The following ILDR2 variants were observed in gnomAD, a reference collection of about 807,000 sequenced individuals.
ILDR2 encodes the protein immunoglobulin like domain containing receptor 2, also known as immunoglobulin-like domain-containing receptor 2.
ILDR2 carries 25 observed loss-of-function variants against 66.8 expected under a neutral mutation model. The ratio of observed to expected loss-of-function variants is 0.37; its 90% CI spans 0.27 to 0.52. ILDR2 has a LOEUF of 0.52. Among genes scored for constraint, ILDR2 ranks in the 20% least tolerant of loss-of-function variants. The pLI, the probability that ILDR2 is intolerant of heterozygous loss-of-function variation, is 0.88. For missense variants in ILDR2, 827 were observed against 876.8 expected (o/e 0.94, Z 0.72); for synonymous variants, 367 against 357.2 (o/e 1.03, Z -0.31).
intron 3 of ILDR2, chr1:166,943,726 T>C (rs1661453802): frequency 1.6e-6 from 1 of 621,062 alleles, no homozygotes; most frequent in Non-Finnish European, 2.0e-6. Context: ...TCTTACAGAG[T>C]CTAAACAATT....
intron 3 of ILDR2, among the ~76,000 whole-genome samples, chr1:166,955,660 T>C (rs978832055): frequency 1.3e-5 from 2 of 152,148 alleles, no homozygotes; most frequent in Non-Finnish European, 2.9e-5. Flanking sequence ...AACATAATGC[T>C]AAGGCATCAG....
chr1:166,966,387 T>C (rs977117142), intron 1 of ILDR2, among the ~76,000 whole-genome samples: 7 of 152,220 alleles, frequency 4.6e-5, no homozygotes, highest in Non-Finnish European at 7.3e-5. Flanking sequence ...TTTAAAAACA[T>C]GATAGTGTTT....
intron 3 of ILDR2, among the ~76,000 whole-genome samples, chr1:166,945,581 T>G (rs1333496598): frequency 6.6e-6 from 1 of 152,194 alleles, no homozygotes; most frequent in Non-Finnish European, 1.5e-5. Context: ...ACTGTTTTGG[T>G]CTCTACTCTT....
At position 166,916,176 on chromosome 1, in the gene ILDR2, C is replaced by G. The variant is rs536899628; in HGVS notation, c.*3179G>C. On this transcript the variant is annotated 3_prime_UTR_variant, in exon 10 of 10. Coordinates refer to ENST00000271417, the MANE Select transcript of ILDR2 (RefSeq NM_199351.3). The stretch of plus-strand genomic sequence containing the variant: ...AGCACAGCAGCTTATGCATCATCCC[C>G]CTGGGACCCCTGCTGCTCACCCTTT... 1.3e-5 allele frequency: 2 copies of G among 152,236 alleles called. No homozygotes were observed. Among genetic ancestry groups the G allele is most frequent in the Non-Finnish European group, 2.9e-5 (2 of 68,068 alleles). The allele number at this position is 152,236 out of a possible 1,614,324, so 9.4% of individuals were successfully genotyped here.
rs1659875777 is a variant in ILDR2 at position 166,920,792 on chromosome 1, G to A, written c.1799C>T (p.Thr600Ile). The A allele has an allele frequency of 1.3e-6, 2 of 1,530,424 alleles. No individual in the cohort carries two copies. The highest frequency in any genetic ancestry group is 1.7e-4 in the Middle Eastern group (1 of 5,910). 94.8% of individuals were successfully genotyped at this position (1,530,424 alleles called of 1,614,324 possible). ...ALPPYSELEL[T>I]RGPSYRGRDL... ...GCGGCCGCGGTAGGACGGGCCGCGG[G>A]TCAGCTCCAGCTCGCTGTAGGGCGG... Residue 600 changes from threonine (T) to isoleucine (I), a missense_variant, in exon 9 of 10, where the codon ACC becomes ATC. Coordinates refer to ENST00000271417, the MANE Select transcript of ILDR2 (RefSeq NM_199351.3).
intron 3 of ILDR2, among the ~76,000 whole-genome samples, chr1:166,955,483 G>A (rs898945687): frequency 2.0e-5 from 3 of 152,042 alleles, no homozygotes; most frequent in South Asian, 2.1e-4. Context: ...GGTGGTACAC[G>A]CCTGTAGTCC....
At chr1:166,899,922 C>A (rs59188210) in intron 2 of ILDR2, among the ~76,000 whole-genome samples, 2 of 152,176 alleles carry the variant, frequency 1.3e-5, no homozygotes, top group African/African-American at 4.8e-5. Flanking sequence ...TGGCTCTACT[C>A]CCTTGATACT....
intron 9 of ILDR2, 34 bp downstream of exon 9, chr1:166,920,673 C>A (rs1659863213): frequency 1.3e-5 from 17 of 1,350,956 alleles, no homozygotes; most frequent in South Asian, 2.0e-5. Flanking sequence ...CCCGCTCAGT[C>A]CCCTCGGAGG....
Position 166,919,399 on chromosome 1 carries a change from G to A in ILDR2, c.1885-9C>T. On this transcript the variant is annotated splice_polypyrimidine_tract_variant and intron_variant, in intron 9 of 9. Coordinates refer to ENST00000271417, the MANE Select transcript of ILDR2 (RefSeq NM_199351.3). Reference sequence around the variant, plus strand: ...CTGGTTGGAAAGTCATTCTAGGAAAGAGCAGAAAGAGCCCAACATTAAGCC... The same window carrying A: ...CTGGTTGGAAAGTCATTCTAGGAAAAAGCAGAAAGAGCCCAACATTAAGCC... The A allele has an allele frequency of 1.2e-6, 2 of 1,603,938 alleles. No individual in the cohort carries two copies. The highest frequency in any genetic ancestry group is 1.7e-6 in the Non-Finnish European group (2 of 1,172,514).
chr1:166,948,763 T>A (rs939894917), intron 3 of ILDR2, among the ~76,000 whole-genome samples: 2 of 152,194 alleles, frequency 1.3e-5, no homozygotes, highest in African/African-American at 4.8e-5. Context: ...ATCAGCTCTT[T>A]AGCAGGAGTC....
At chr1:166,942,161 C>T (rs1234199278) in intron 3 of ILDR2, among the ~76,000 whole-genome samples, 2 of 152,184 alleles carry the variant, frequency 1.3e-5, no homozygotes, top group Non-Finnish European at 2.9e-5. Flanking sequence ...TGGATTATGC[C>T]TATGGTCCAG....
chr1:166,926,410 G>C (rs1660294874), intron 7 of ILDR2, among the ~76,000 whole-genome samples: 1 of 152,028 alleles, frequency 6.6e-6, no homozygotes. Context: ...TATTCAAAAA[G>C]TTCTTTTGAC....
intron 6 of ILDR2, among the ~76,000 whole-genome samples, chr1:166,934,919 G>C (rs1660853493): frequency 1.3e-5 from 2 of 152,138 alleles, no homozygotes; most frequent in South Asian, 4.1e-4. Flanking sequence ...TTCTCTCCCT[G>C]ACCAGGCCAT....
At position 166,910,156 on chromosome 1, in the gene ILDR2, T is replaced by C. The variant is rs982360877; in HGVS notation, c.*9199A>G. ...CTGGCTTCACCATAATTCTGCAGAA[T>C]CAGAGTCCTGACCTGACTTCAGAAA... On this transcript the variant is annotated 3_prime_UTR_variant, in exon 10 of 10. Transcript: ENST00000271417. 1 of 152,018 alleles carries C rather than the reference T, an allele frequency of 6.6e-6. No individual in the cohort carries two copies. Among genetic ancestry groups the C allele is most frequent in the Admixed American group, 6.6e-5 (1 of 15,258 alleles). 9.4% of individuals were successfully genotyped at this position (152,018 alleles called of 1,614,324 possible).
intron 3 of ILDR2, among the ~76,000 whole-genome samples, chr1:166,951,445 G>A (rs970980844): frequency 6.6e-6 from 1 of 152,192 alleles, no homozygotes; most frequent in Admixed American, 6.5e-5. Flanking sequence ...TATCTGTTAC[G>A]TAAATCAAAT....
At position 166,957,837 on chromosome 1, in the gene ILDR2, G is replaced by A. The variant is rs1383946148; in HGVS notation, c.311C>T (p.Ala104Val). ...LDSRRTVRVV[A>V]SKQGSTVTLG... ...GGTGACAGTCGAGCCCTGTTTTGAA[G>A]CTACTACTCGAACAGTCCTCCTGCT... Residue 104 changes from alanine to valine, a missense_variant, in exon 2 of 10, where the codon GCT becomes GTT. Around this residue, in one of 2 missense-constraint regions of ILDR2, gnomAD observed 437 missense variants for 523.2 expected, o/e 0.84. Coordinates refer to ENST00000271417, the MANE Select transcript of ILDR2 (RefSeq NM_199351.3). The A allele has an allele frequency of 1.9e-6, 3 of 1,614,178 alleles. No individual in the cohort carries two copies. The South Asian group carries it at 3.3e-5, about 18-fold the overall frequency.
Position 166,908,907 on chromosome 1 carries a change from G to C in ILDR2, c.*10448C>G, listed in dbSNP as rs1659403112. On this transcript the variant is annotated 3_prime_UTR_variant, in exon 10 of 10. Coordinates refer to ENST00000271417, the MANE Select transcript of ILDR2 (RefSeq NM_199351.3). The stretch of plus-strand genomic sequence containing the variant: ...AAGCCGGAAAGGCTGGTTGTTCAGG[G>C]CTCTGTGGCTGCAGATAAAGAATCT... 6.6e-6 allele frequency: 1 copy of C among 152,228 alleles called. No homozygotes were observed. The highest frequency in any genetic ancestry group is 1.5e-5 in the Non-Finnish European group (1 of 68,068). 9.4% of individuals were successfully genotyped at this position (152,228 alleles called of 1,614,324 possible). A position where few individuals can be genotyped will look rare whatever the true frequency, so the allele number is the denominator to read the frequency against.
intron 4 of ILDR2, among the ~76,000 whole-genome samples, chr1:166,937,744 T>G (rs1182274097): frequency 6.6e-6 from 1 of 152,224 alleles, no homozygotes; most frequent in Admixed American, 6.5e-5. Flanking sequence ...CCTGGAGGCC[T>G]GGACAGACTG....
intron 2 of ILDR2, among the ~76,000 whole-genome samples, chr1:166,957,356 T>G (rs1662340635): frequency 1.3e-5 from 2 of 152,332 alleles, no homozygotes; most frequent in South Asian, 4.1e-4. Context: ...CTCTGTTATT[T>G]GTATGCATAC....
Sources: gnomAD v4.1 joint callset for allele counts (sites outside exome capture counted in the v4.1 genomes callset) on GRCh38, gnomAD v4.1.1 for gene constraint, gnomAD v4.1.1 regional missense constraint, MANE v1.5 for transcripts, NCBI Gene and HGNC (gene_info 2026-07-23, HGNC 2026-07-21) for gene names.